Variants in BAZ1B observed in about 807,000 individuals in gnomAD.
The protein encoded by BAZ1B is tyrosine-protein kinase BAZ1B.
A neutral mutation model predicts 153.8 loss-of-function variants in BAZ1B; 22 were observed. The ratio of observed to expected loss-of-function variants is 0.14; its 90% confidence interval spans 0.10 to 0.20. The LOEUF is 0.20. Ranked by LOEUF, BAZ1B falls within the 10% of genes least tolerant of loss-of-function variation. The pLI is 1.00. For synonymous variants in BAZ1B, 676 were observed against 633.4 expected (o/e 1.07, Z -1.01); for missense variants, 1,325 against 1,799.3 (o/e 0.74, Z 4.77).
At chr7:73,448,253 G>A (rs547477748) in intron 15 of BAZ1B, among the ~76,000 whole-genome samples, 2 of 152,246 alleles carry the variant, frequency 1.3e-5, no homozygotes, top group African/African-American at 4.8e-5. Flanking sequence ...ACAGTGAGCC[G>A]AGATCGCGCC....
At chr7:73,488,384 T>C (rs983245765) in intron 6 of BAZ1B, among the ~76,000 whole-genome samples, 12 of 152,180 alleles carry the variant, frequency 7.9e-5, no homozygotes, top group Non-Finnish European at 1.8e-4. Context: ...TATATATATG[T>C]ACCATATAAC....
rs1049722237 is a variant in BAZ1B, at chr7:73,515,520, C to A, written c.108-4668G>T. Among the ~76,000 whole-genome samples the A allele has an allele frequency of 5.6e-4, 85 of 150,620 alleles. 2 individuals carry two copies. The highest frequency in any genetic ancestry group is 3.1e-4 in the Non-Finnish European group (21 of 67,796). ...ATGTCACACACAGGGTCTGCCCCTC[C>A]AGCCTTGTTCCTTTTTTTTTTTTTT... On this transcript the variant is annotated intron_variant, in intron 1 of 19. Transcript: ENST00000339594.
rs1789031970 is a variant in BAZ1B, at chr7:73,477,242, A to T, written c.2219T>A (p.Leu740Gln). The change falls in exon 7 of 20, where the codon CTG (leucine) becomes CAG (glutamine). Residue 740 changes from leucine to glutamine, a missense_variant. Leu to Gln is a moderately radical substitution (Grantham distance 113). Around this residue, in one of 9 missense-constraint regions of BAZ1B, gnomAD observed 431 missense variants for 563.5 expected, o/e 0.76. Transcript: ENST00000339594. This position sits in a 1 kb window ranked among gnomAD's most constrained non-coding sequence, Gnocchi z 5.6. ...GATCTGTAGCTTCTCCTCTGACGTC[A>T]GCTCAAAAAATTCAGAGGTCTCCAG... The part of the protein sequence containing the change: ...EKLETSEFFE[L>Q]TSEEKLQILT... The T allele has an allele frequency of 6.2e-7, 1 of 1,614,124 alleles. No homozygotes were observed. Among genetic ancestry groups the T allele is most frequent in the Non-Finnish European group, 8.5e-7 (1 of 1,180,050 alleles).
At chr7:73,512,554 G>C (rs1282375436) in intron 1 of BAZ1B, among the ~76,000 whole-genome samples, 9 of 152,098 alleles carry the variant, frequency 5.9e-5, no homozygotes, top group Non-Finnish European at 1.2e-4. Context: ...GGGAGACGAG[G>C]GAAAGAAAAA....
chr7:73,475,360 T>A (rs925931637), intron 7 of BAZ1B, among the ~76,000 whole-genome samples: 1 of 152,202 alleles, frequency 6.6e-6, no homozygotes, highest in Non-Finnish European at 1.5e-5. Flanking sequence ...CAAAACGTGG[T>A]ATATCCAAAC....
intron 3 of BAZ1B, among the ~76,000 whole-genome samples, chr7:73,506,221 G>A (rs1196504347): frequency 2.6e-5 from 4 of 152,198 alleles, no homozygotes; most frequent in South Asian, 2.1e-4. Flanking sequence ...AAATAAGGCC[G>A]GGCGCACTGG....
intron 13 of BAZ1B, among the ~76,000 whole-genome samples, chr7:73,457,551 G>A (rs1172863856): frequency 6.6e-6 from 1 of 152,168 alleles, no homozygotes; most frequent in African/African-American, 2.4e-5. Flanking sequence ...ACCCAAGTGA[G>A]TGGATCAACA....
At chr7:73,511,225 G>A (rs374919287) in intron 1 of BAZ1B, among the ~76,000 whole-genome samples, 14 of 151,846 alleles carry the variant, frequency 9.2e-5, no homozygotes, top group African/African-American at 7.3e-5. Context: ...CCAAGATCAC[G>A]CCACTGCACT....
Position 73,463,083 on chromosome 7 carries a change from G to A in BAZ1B, c.3088C>T (p.His1030Tyr). ...GGCTTCCGTGCTAGATGAATAGAGT[G>A]AATAATGTCCTGGTACCTAGAAGAT... Reference protein sequence around the residue: ...RLEKRYQDIIHSIHLARKPNL... With the variant: ...RLEKRYQDIIYSIHLARKPNL... Residue 1030 changes from histidine (H) to tyrosine (Y), a missense_variant, in exon 12 of 20, where the codon CAC (histidine) becomes TAC (tyrosine). By Grantham distance (83) the His-to-Tyr change is moderately conservative. This residue lies in a region of BAZ1B where 431 missense variants were observed against 563.5 expected (regional missense o/e 0.76). Transcript: ENST00000339594. 2 of 1,613,186 alleles carry A rather than the reference G, an allele frequency of 1.2e-6. No homozygotes were observed. Among genetic ancestry groups the A allele is most frequent in the Non-Finnish European group, 8.5e-7 (1 of 1,179,678 alleles).
chr7:73,509,624 G>A (rs946269569), intron 2 of BAZ1B, among the ~76,000 whole-genome samples: 1 of 151,368 alleles, frequency 6.6e-6, no homozygotes, highest in African/African-American at 2.4e-5. Flanking sequence ...AAGAGGCTGA[G>A]GCAAGAGGCT....
At chr7:73,466,827 T>C (rs1004130486) in intron 9 of BAZ1B, among the ~76,000 whole-genome samples, 6 of 152,238 alleles carry the variant, frequency 3.9e-5, no homozygotes, top group African/African-American at 1.4e-4. Context: ...CTAACTTTTT[T>C]GTAAATCAGT....
intron 15 of BAZ1B, among the ~76,000 whole-genome samples, chr7:73,449,264 G>A (rs1215919033): frequency 2.6e-5 from 4 of 152,158 alleles, no homozygotes; most frequent in African/African-American, 9.7e-5. Context: ...GGCAACAGGA[G>A]GCTAAAGGCA....
chr7:73,458,679 A>C (rs1554569871), intron 13 of BAZ1B, among the ~76,000 whole-genome samples: 1 of 151,468 alleles, frequency 6.6e-6, no homozygotes, highest in Non-Finnish European at 1.5e-5. Flanking sequence ...TTCTCCAAAA[A>C]AAAAAAAAAA....
intron 1 of BAZ1B, among the ~76,000 whole-genome samples, chr7:73,512,769 T>C (rs1790640544): frequency 6.6e-6 from 1 of 152,228 alleles, no homozygotes; most frequent in African/African-American, 2.4e-5. Flanking sequence ...TTTATAGTGG[T>C]TGAAATAAAA....
In BAZ1B at chr7:73,442,451, G is replaced by C. The variant is rs1554565307; in HGVS notation, c.4197C>G (p.Arg1399=). The stretch of plus-strand genomic sequence containing the variant: ...TGTCAGTAAGAAACTCCTGCACAGA[G>C]CGGTAGCTCCCACAGGAACATTTGT... ...VQNKCSCGSY[R]SVQEFLTDMK... The change falls in exon 19 of 20, where the codon CGC becomes CGG. Residue 1399 remains arginine (R), a synonymous_variant. Transcript: ENST00000339594. 1.2e-6 allele frequency: 2 copies of C among 1,614,120 alleles called. No homozygotes were observed. Among genetic ancestry groups the C allele is most frequent in the Admixed American group, 1.7e-5 (1 of 60,008 alleles).
intron 6 of BAZ1B, among the ~76,000 whole-genome samples, chr7:73,488,270 G>A (rs1256382227): frequency 6.6e-6 from 1 of 152,100 alleles, no homozygotes; most frequent in African/African-American, 2.4e-5. Context: ...AGCTTGAAAT[G>A]GAAAAGAAAA....
At chr7:73,451,687 C>T (rs1788031267) in intron 13 of BAZ1B, among the ~76,000 whole-genome samples, 1 of 152,202 alleles carries the variant, frequency 6.6e-6, no homozygotes, top group Non-Finnish European at 1.5e-5. Flanking sequence ...TGCTAAAGTT[C>T]AACTGGAAAC....
At chr7:73,506,397 G>T (rs762439338) in intron 3 of BAZ1B, among the ~76,000 whole-genome samples, 3 of 151,894 alleles carry the variant, frequency 2.0e-5, no homozygotes, top group African/African-American at 7.3e-5. Flanking sequence ...TACTCGGGAG[G>T]CTGAGGCAGG....
chr7:73,470,513 T>C (rs1583907034), intron 7 of BAZ1B, 30 bp from the exon 8 acceptor site: 1 of 1,608,034 alleles, frequency 6.2e-7, no homozygotes, highest in Non-Finnish European at 8.5e-7. Flanking sequence ...TCAAATCAGA[T>C]ATTTTCCTAG....
Sources: gnomAD v4.1 joint callset for allele counts (sites outside exome capture counted in the v4.1 genomes callset) on GRCh38, gnomAD v4.1.1 for gene constraint, gnomAD v4.1.1 regional missense constraint, Gnocchi (gnomAD v3.1) non-coding constraint, MANE v1.5 for transcripts, NCBI Gene and HGNC (gene_info 2026-07-23, HGNC 2026-07-21) for gene names.